PARN: variants seen among roughly 807,000 people sequenced by gnomAD.
PARN encodes poly(A)-specific ribonuclease, also known as poly(A)-specific ribonuclease PARN.
A neutral mutation model predicts 102.8 loss-of-function variants in PARN; 71 were observed. The observed-to-expected ratio is 0.69, with a 90% CI of 0.57 to 0.84. PARN has a LOEUF of 0.84. Among genes scored for constraint, PARN ranks in the 40% least tolerant of loss-of-function variants. PARN has a pLI of 0.00. For synonymous variants in PARN, 261 were observed against 252.9 expected (o/e 1.03, Z -0.30); for missense variants, 782 against 760.9 (o/e 1.03, Z -0.33).
At chr16:14,556,640 G>A (rs1967707887) in intron 18 of PARN, among the ~76,000 whole-genome samples, 1 of 152,118 alleles carries the variant, frequency 6.6e-6, no homozygotes, top group African/African-American at 2.4e-5. Context: ...AAGAGTCAAG[G>A]GAAAGTCCTC....
At chr16:14,528,669 C>T (rs1000356235) in intron 21 of PARN, among the ~76,000 whole-genome samples, 1 of 152,134 alleles carries the variant, frequency 6.6e-6, no homozygotes, top group Non-Finnish European at 1.5e-5. Flanking sequence ...GGCACTATGT[C>T]GAGAACTTTA....
At chr16:14,572,246 C>T (rs186481691) in intron 18 of PARN, among the ~76,000 whole-genome samples, 13 of 152,274 alleles carry the variant, frequency 8.5e-5, no homozygotes, top group African/African-American at 2.2e-4. Flanking sequence ...CGACCCTGCA[C>T]GCCATGCTGC....
At chr16:14,582,718 A>G (rs1567412613) in intron 16 of PARN, among the ~76,000 whole-genome samples, 1 of 152,048 alleles carries the variant, frequency 6.6e-6, no homozygotes, top group Non-Finnish European at 1.5e-5. Flanking sequence ...CTGGAGTCAC[A>G]CTGAGTTCGA....
At chr16:14,616,554 T>C (rs1971916486) in intron 6 of PARN, among the ~76,000 whole-genome samples, 2 of 152,182 alleles carry the variant, frequency 1.3e-5, no homozygotes, top group South Asian at 4.1e-4. Context: ...GGGACCAGCC[T>C]GGGCAATGGC....
intron 22 of PARN, among the ~76,000 whole-genome samples, chr16:14,452,731 G>C (rs989792246): frequency 6.6e-6 from 1 of 152,216 alleles, no homozygotes; most frequent in African/African-American, 2.4e-5. Context: ...CATCCTGCCT[G>C]AGAAAGCTCT....
intron 6 of PARN, among the ~76,000 whole-genome samples, chr16:14,613,540 G>A (rs931510436): frequency 9.2e-5 from 14 of 151,798 alleles, no homozygotes; most frequent in Non-Finnish European, 1.6e-4. Context: ...GGATAATCAC[G>A]TGAATCTGGG....
At chr16:14,617,568 G>C (rs1326668088) in intron 6 of PARN, 22 bp downstream of exon 6, 2 of 1,207,148 alleles carry the variant, frequency 1.7e-6, no homozygotes, top group South Asian at 1.2e-5. Context: ...AAGCTCTAAA[G>C]ATAGGTTACC....
intron 22 of PARN, among the ~76,000 whole-genome samples, chr16:14,460,547 C>T (rs1400981071): frequency 6.6e-6 from 1 of 152,170 alleles, no homozygotes; most frequent in East Asian, 1.9e-4. Flanking sequence ...CTACACTCAC[C>T]TTGAAATCAA....
chr16:14,591,455 T>C (rs1026414196), intron 13 of PARN, among the ~76,000 whole-genome samples: 1 of 151,970 alleles, frequency 6.6e-6, no homozygotes, highest in Admixed American at 6.6e-5. Context: ...CTATGGTCCA[T>C]AGGCCAAATA....
intron 21 of PARN, among the ~76,000 whole-genome samples, chr16:14,551,545 G>A (rs1473645165): frequency 6.6e-6 from 1 of 152,082 alleles, no homozygotes; most frequent in Non-Finnish European, 1.5e-5. Context: ...CTCCAGCCTA[G>A]GCGACAGAGC....
intron 13 of PARN, among the ~76,000 whole-genome samples, chr16:14,588,759 G>GT (rs1970003857): frequency 6.6e-6 from 1 of 152,070 alleles, no homozygotes; most frequent in African/African-American, 2.4e-5. Flanking sequence ...GCGTACACCT[G>GT]TAATCCCAGC....
chr16:14,576,559 G>C (rs1355681449), intron 18 of PARN, among the ~76,000 whole-genome samples: 1 of 152,186 alleles, frequency 6.6e-6, no homozygotes, highest in African/African-American at 2.4e-5. Flanking sequence ...AGCATTTTTA[G>C]CTCTTAGATT....
At chr16:14,604,115 C>T in intron 11 of PARN, 31 bp downstream of exon 11, 1 of 1,314,304 alleles carries the variant, frequency 7.6e-7, no homozygotes, top group Non-Finnish European at 1.1e-6. Context: ...TGCCATTTCT[C>T]ACCCCCCAAG....
intron 17 of PARN, 143 bp from the exon 18 acceptor site, chr16:14,581,086 C>G: frequency 1.9e-6 from 1 of 531,656 alleles, no homozygotes; most frequent in East Asian, 2.8e-5. Flanking sequence ...GAGTTTCACT[C>G]TTGTTGCCCA....
intron 22 of PARN, among the ~76,000 whole-genome samples, chr16:14,479,512 T>G (rs1210995830): frequency 1.3e-5 from 2 of 151,216 alleles, no homozygotes; most frequent in Admixed American, 1.3e-4. Flanking sequence ...CTGAAGAAAC[T>G]GGCAAGATTA....
At chr16:14,569,288 T>C (rs1968639285) in intron 18 of PARN, among the ~76,000 whole-genome samples, 1 of 152,142 alleles carries the variant, frequency 6.6e-6, no homozygotes, top group Non-Finnish European at 1.5e-5. Flanking sequence ...CATTATTTTC[T>C]TCAAGTTCAC....
chr16:14,547,414 T>G (rs1027177106), intron 21 of PARN, among the ~76,000 whole-genome samples: 1 of 152,080 alleles, frequency 6.6e-6, no homozygotes. Context: ...ATATTCAAAA[T>G]GTCGAAAATA....
chr16:14,526,368 G>A (rs960599235), intron 21 of PARN, among the ~76,000 whole-genome samples: 2 of 151,336 alleles, frequency 1.3e-5, no homozygotes, highest in African/African-American at 2.4e-5. Context: ...TAGTACAGAT[G>A]GGGTTTCACC....
At chr16:14,603,065 C>T (rs979983779) in intron 11 of PARN, among the ~76,000 whole-genome samples, 4 of 152,052 alleles carry the variant, frequency 2.6e-5, no homozygotes, top group African/African-American at 7.2e-5. Flanking sequence ...GGACTACAGG[C>T]GCACGTCACC....
Sources: gnomAD v4.1 joint callset for allele counts (sites outside exome capture counted in the v4.1 genomes callset) on GRCh38, gnomAD v4.1.1 for gene constraint, MANE v1.5 for transcripts, NCBI Gene and HGNC (gene_info 2026-07-23, HGNC 2026-07-21) for gene names.